ENGASE: variants seen among roughly 807,000 people sequenced by gnomAD.
The protein encoded by ENGASE is cytosolic endo-beta-N-acetylglucosaminidase.
In ENGASE, 69 loss-of-function variants were observed where a neutral mutation model predicts 78.5. The ratio of observed to expected loss-of-function variants is 0.88; its 90% CI spans 0.72 to 1.07. The LOEUF is 1.07. ENGASE is among the 50% of genes least tolerant of loss of function. The pLI, the probability that ENGASE is intolerant of heterozygous loss-of-function variation, is 0.00. For missense variants in ENGASE, 943 were observed against 988.4 expected (o/e 0.95, Z 0.62); for synonymous variants, 408 against 408.9 (o/e 1.00, Z 0.03).
rs994654039 is a variant in ENGASE at position 79,083,143 on chromosome 17, G to A, written c.1142+20G>A. ...GGACAAGTGAGTCCTGCTGTCCTGGGTGCTTAGTGCAGGCTGATGGGAGGG... is the reference window on the plus strand; with the variant it reads ...GGACAAGTGAGTCCTGCTGTCCTGGATGCTTAGTGCAGGCTGATGGGAGGG... On this transcript the variant is annotated intron_variant, in intron 8 of 13. Coordinates refer to ENST00000579016, the MANE Select transcript of ENGASE (RefSeq NM_001042573.3). This position sits in a 1 kb window ranked among gnomAD's most constrained non-coding sequence, Gnocchi z 4.9. 1.3e-6 allele frequency: 2 copies of A among 1,562,274 alleles called. No individual in the cohort carries two copies. The highest frequency in any genetic ancestry group is 1.8e-6 in the Non-Finnish European group (2 of 1,134,276).
At chr17:79,080,585 T>C (rs2073102494) in intron 5 of ENGASE, among the ~76,000 whole-genome samples, 1 of 152,214 alleles carries the variant, frequency 6.6e-6, no homozygotes, top group South Asian at 2.1e-4. Flanking sequence ...CTTGGCCGGC[T>C]CCCACGTTTC....
At chr17:79,080,836 G>T in intron 5 of ENGASE, 89 bp from the exon 6 acceptor site, 1 of 1,495,034 alleles carries the variant, frequency 6.7e-7, no homozygotes, top group South Asian at 1.4e-5. Flanking sequence ...TGTTTGCTCT[G>T]CATCCCCCTG....
At chr17:79,077,529 A>G in intron 2 of ENGASE, 32 bp downstream of exon 2, 1 of 1,545,316 alleles carries the variant, frequency 6.5e-7, no homozygotes, top group Non-Finnish European at 8.7e-7. Context: ...ATACCGATCC[A>G]CCTTCACACC....
At position 79,086,085 on chromosome 17, in the gene ENGASE, A is replaced by G; in HGVS notation, c.1968A>G (p.Ser656=). ...CCCTGCACTGGTCCTTCCTCCTCTC[A>G]CAAGTCCGTTGCTTCCGAATCCACT... ...SCTLHWSFLL[S]QVRCFRIHCW... Residue 656 remains serine, a synonymous_variant, in exon 14 of 14, where the codon TCA becomes TCG. Transcript: ENST00000579016. 2 of 1,613,506 alleles carry G rather than the reference A, an allele frequency of 1.2e-6. No individual in the cohort carries two copies. The highest frequency in any genetic ancestry group is 1.7e-5 in the Admixed American group (1 of 60,026).
chr17:79,081,578 C>T (rs2073138457), intron 6 of ENGASE, among the ~76,000 whole-genome samples: 1 of 152,090 alleles, frequency 6.6e-6, no homozygotes, highest in African/African-American at 2.4e-5. Context: ...AGGTCACCAT[C>T]TGGGCTGCTC....
chr17:79,085,431 C>A (rs1018433131), intron 12 of ENGASE, 89 bp downstream of exon 12: 10 of 1,346,692 alleles, frequency 7.4e-6, no homozygotes, highest in Non-Finnish European at 1.0e-6. Flanking sequence ...GGGCCCTGGG[C>A]TGGCCCCCAG....
In ENGASE at chr17:79,083,305, C is replaced by T. The variant is rs1038995607; in HGVS notation, c.1143-177C>T. The T allele has an allele frequency of 2.9e-5, 20 of 695,098 alleles. No homozygotes were observed. The highest frequency in any genetic ancestry group is 2.5e-4 in the Admixed American group (9 of 36,306). The allele number at this position is 695,098 out of a possible 1,614,324, so 43.1% of individuals were successfully genotyped here. A position where few individuals can be genotyped will look rare whatever the true frequency, so the allele number is the denominator to read the frequency against. On this transcript the variant is annotated intron_variant, in intron 8 of 13. Transcript: ENST00000579016. This position sits in a 1 kb window ranked among gnomAD's most constrained non-coding sequence, Gnocchi z 4.9. ...CCGGGCAGGGACCAAACCCAGCGGC[C>T]GCTTCCTGCAGACTCGTGTTTGCAG...
intron 6 of ENGASE, among the ~76,000 whole-genome samples, chr17:79,081,489 G>A (rs1394689138): frequency 1.3e-5 from 2 of 152,088 alleles, no homozygotes; most frequent in Non-Finnish European, 2.9e-5. Flanking sequence ...GCGACAGAGC[G>A]AGACTCTGTC....
rs1220364296 is a variant in ENGASE, at chr17:79,083,768, C to T, written c.1259C>T (p.Ala420Val). 8 of 1,608,000 alleles carry T rather than the reference C, an allele frequency of 5.0e-6. No homozygotes were observed. In the Middle Eastern group the frequency reaches 5.0e-4, roughly 101 times the overall value. Residue 420 changes from alanine (A) to valine (V), a missense_variant, in exon 10 of 14, where the codon GCG (alanine) becomes GTG (valine). Ala to Val is a moderately conservative substitution (Grantham distance 64, BLOSUM62 0). Transcript: ENST00000579016. The surrounding 1 kb of genome is among the most constrained non-coding windows in gnomAD (Gnocchi z 4.9). ...TTCTGCCCTTTTCTTCAGGAAGAGG[C>T]GGTAGGGCCCTGGTACCACCTGAGC... ...ARRVCYGQEEAVGPWYHLSAQ... is the reference protein window; with the variant it reads ...ARRVCYGQEEVVGPWYHLSAQ...
intron 7 of ENGASE, chr17:79,082,416 G>A (rs2073169160): frequency 8.1e-7 from 1 of 1,228,660 alleles, no homozygotes; most frequent in Non-Finnish European, 1.0e-6. Context: ...ACGCACAGGG[G>A]CCTGCAGCGC....
At chr17:79,085,865 T>C in intron 13 of ENGASE, 68 bp from the exon 14 acceptor site, 2 of 1,578,810 alleles carry the variant, frequency 1.3e-6, no homozygotes, top group Non-Finnish European at 1.7e-6. Flanking sequence ...GGAGGGGAAA[T>C]GTGTGCGTGG....
At position 79,088,243 on chromosome 17, in the gene ENGASE, AG is replaced by A. The variant is rs1210548159; in HGVS notation, c.*1898del. 2 of 152,028 alleles carry A rather than the reference AG, an allele frequency of 1.3e-5. No individual in the cohort carries two copies. Among genetic ancestry groups the A allele is most frequent in the East Asian group, 3.9e-4 (2 of 5,182 alleles). 9.4% of individuals were successfully genotyped at this position (152,028 alleles called of 1,614,324 possible). A position where few individuals can be genotyped will look rare whatever the true frequency, so the allele number is the denominator to read the frequency against. On this transcript the variant is annotated 3_prime_UTR_variant, in exon 14 of 14. Transcript: ENST00000579016. Reference sequence around the variant, plus strand: ...CATTTGGAACCAGGGGGAACCAGGAAGGGGCTCCTGGCCTCTCTGTGTCCTC... The same window carrying A: ...CATTTGGAACCAGGGGGAACCAGGAAGGGCTCCTGGCCTCTCTGTGTCCTC...
chr17:79,083,670 G>T lies in ENGASE; in HGVS notation c.1251+80G>T, dbSNP rs2073209310. ...GGAGGAGCCTGGGACTTGCCAGCAGGCACGGTGGTGGTCTTACCCTTCCCT... is the reference window on the plus strand; with the variant it reads ...GGAGGAGCCTGGGACTTGCCAGCAGTCACGGTGGTGGTCTTACCCTTCCCT... On this transcript the variant is annotated intron_variant, in intron 9 of 13. Transcript: ENST00000579016. This position sits in a 1 kb window ranked among gnomAD's most constrained non-coding sequence, Gnocchi z 4.9. 1 of 1,565,732 alleles carries T rather than the reference G, an allele frequency of 6.4e-7. No homozygotes were observed.
At position 79,083,166 on chromosome 17, in the gene ENGASE, G is replaced by A; in HGVS notation, c.1142+43G>A. ...GGGTGCTTAGTGCAGGCTGATGGGA[G>A]GGAGGGGTTTCTGGTGTCTCTGATA... is the stretch of plus-strand genomic sequence containing the variant. On this transcript the variant is annotated intron_variant, in intron 8 of 13. Coordinates refer to ENST00000579016, the MANE Select transcript of ENGASE (RefSeq NM_001042573.3). This position sits in a 1 kb window ranked among gnomAD's most constrained non-coding sequence, Gnocchi z 4.9. The A allele has an allele frequency of 1.4e-6, 2 of 1,427,054 alleles. No individual in the cohort carries two copies. The highest frequency in any genetic ancestry group is 2.0e-6 in the Non-Finnish European group (2 of 1,016,728). 88.4% of individuals were successfully genotyped at this position (1,427,054 alleles called of 1,614,324 possible). A position where few individuals can be genotyped will look rare whatever the true frequency, so the allele number is the denominator to read the frequency against.
rs1384887144 is a variant in ENGASE at position 79,077,437 on chromosome 17, G to C, written c.154G>C (p.Asp52His). ...AACTCCCTCTTTGCTTAGCATCAAAGATGAAGAAGAAGAGACAGTCTTTCG... is the reference window on the plus strand; with the variant it reads ...AACTCCCTCTTTGCTTAGCATCAAACATGAAGAAGAAGAGACAGTCTTTCG... ...RRRRPGRSIK[D>H]EEEETVFREV... The change falls in exon 2 of 14, where the codon GAT becomes CAT. Residue 52 changes from aspartate (D) to histidine (H), a missense_variant. Physicochemically the swap from Asp to His is moderately conservative, Grantham distance 81. Coordinates refer to ENST00000579016, the MANE Select transcript of ENGASE (RefSeq NM_001042573.3). 6.3e-7 allele frequency: 1 copy of C among 1,591,842 alleles called. No homozygotes were observed. Among genetic ancestry groups the C allele is most frequent in the Non-Finnish European group, 8.5e-7 (1 of 1,173,732 alleles).
At chr17:79,085,516 C>T (rs1319678791) in intron 12 of ENGASE, 104 bp from the exon 13 acceptor site, 1 of 1,510,298 alleles carries the variant, frequency 6.6e-7, no homozygotes, top group Non-Finnish European at 9.0e-7. Context: ...TCCCCCATGA[C>T]CCTGGGATGC....
rs1282438173 is a variant in ENGASE, at chr17:79,087,225, C to T, written c.*876C>T. The T allele has an allele frequency of 2.8e-6, 1 of 356,824 alleles. No individual in the cohort carries two copies. Among genetic ancestry groups the T allele is most frequent in the East Asian group, 7.4e-5 (1 of 13,474 alleles). 22.1% of individuals were successfully genotyped at this position (356,824 alleles called of 1,614,324 possible). On this transcript the variant is annotated 3_prime_UTR_variant, in exon 14 of 14. Transcript: ENST00000579016. Reference sequence around the variant, plus strand: ...AGCAGCACCTGCCCCCCGCGCCAGCCCAGCCCCAGCCTGAGTGCAGGAGCT... The same window carrying T: ...AGCAGCACCTGCCCCCCGCGCCAGCTCAGCCCCAGCCTGAGTGCAGGAGCT...
intron 4 of ENGASE, 143 bp from the exon 5 acceptor site, chr17:79,080,063 AT>A: frequency 1.2e-6 from 1 of 829,918 alleles, no homozygotes; most frequent in East Asian, 2.8e-5. Context: ...AGAGTGTCTG[AT>A]TCACGGGATA....
At chr17:79,082,612 G>T in intron 7 of ENGASE, 1 of 1,279,932 alleles carries the variant, frequency 7.8e-7, no homozygotes, top group Non-Finnish European at 1.0e-6. Context: ...TATCAGTCCT[G>T]CCCGTTCCCA....
Sources: allele counts gnomAD v4.1 joint callset (sites outside exome capture counted in the v4.1 genomes callset), GRCh38; gene constraint gnomAD v4.1.1; non-coding constraint Gnocchi (gnomAD v3.1); transcripts MANE v1.5; gene names NCBI Gene and HGNC (gene_info 2026-07-23, HGNC 2026-07-21).